HNRNPM: variants seen among roughly 807,000 people sequenced by gnomAD.
HNRNPM encodes the protein heterogeneous nuclear ribonucleoprotein M.
In HNRNPM, 11 loss-of-function variants were observed where a neutral mutation model predicts 73.1. The ratio of observed to expected loss-of-function variants is 0.15; its 90% CI spans 0.09 to 0.25. The LOEUF (loss-of-function observed/expected upper bound fraction) is 0.25. HNRNPM is among the 10% of genes least tolerant of loss of function. The pLI is 1.00. For missense variants in HNRNPM, 789 were observed against 1,067.9 expected (o/e 0.74, Z 3.64); for synonymous variants, 407 against 355.2 (o/e 1.15, Z -1.64).
At chr19:8,455,302 G>A in intron 1 of HNRNPM, 103 bp from the exon 2 acceptor site, 3 of 1,003,132 alleles carry the variant, frequency 3.0e-6, no homozygotes, top group South Asian at 1.6e-5. Flanking sequence ...TGTGTCATAT[G>A]TAACTTTGTG....
chr19:8,484,896 A>G (rs961027057), intron 13 of HNRNPM, among the ~76,000 whole-genome samples: 5 of 152,078 alleles, frequency 3.3e-5, no homozygotes, highest in Non-Finnish European at 5.9e-5. Context: ...ACTGACCCCC[A>G]GCCGCTACCA....
chr19:8,476,971 T>A (rs1350200696), intron 12 of HNRNPM, among the ~76,000 whole-genome samples: 1 of 151,308 alleles, frequency 6.6e-6, no homozygotes, highest in Non-Finnish European at 1.5e-5. Context: ...TTGGGTTAAT[T>A]CAAACTAGGA....
chr19:8,456,182 G>C (rs1969010858), intron 2 of HNRNPM, among the ~76,000 whole-genome samples: 1 of 152,204 alleles, frequency 6.6e-6, no homozygotes, highest in Non-Finnish European at 1.5e-5. Flanking sequence ...CGGTGCCTTA[G>C]GATGTGGATT....
intron 13 of HNRNPM, among the ~76,000 whole-genome samples, chr19:8,484,611 T>C (rs1290657556): frequency 6.6e-6 from 1 of 152,250 alleles, no homozygotes; most frequent in African/African-American, 2.4e-5. Context: ...GCTCACTGTG[T>C]GCTGTGCAGC....
At chr19:8,456,666 G>A (rs527896345) in intron 2 of HNRNPM, among the ~76,000 whole-genome samples, 1 of 152,316 alleles carries the variant, frequency 6.6e-6, no homozygotes, top group East Asian at 1.9e-4. Flanking sequence ...ATTGGATTTT[G>A]AAATTATGAA....
In HNRNPM at chr19:8,485,966, C is replaced by G. The variant is rs747850904; in HGVS notation, c.1538C>G (p.Ser513Cys). The G allele has an allele frequency of 6.2e-7, 1 of 1,605,606 alleles. No homozygotes were observed. Among genetic ancestry groups the G allele is most frequent in the Non-Finnish European group, 8.5e-7 (1 of 1,179,108 alleles). ...GGCCAGACCATTGAGCGCATGGGCT[C>G]TGGCGTGGAGCGCATGGGCCCTGCC... Reference protein sequence around the residue: ...RVGQTIERMGSGVERMGPAIE... With the variant: ...RVGQTIERMGCGVERMGPAIE... Residue 513 changes from serine (S) to cysteine (C), a missense_variant, in exon 14 of 16, where the codon TCT (serine) becomes TGT (cysteine). Coordinates refer to ENST00000325495, the MANE Select transcript of HNRNPM (RefSeq NM_005968.5).
rs191119234 is a variant in HNRNPM, at chr19:8,483,251, A to G, written c.1174+40A>G. On this transcript the variant is annotated intron_variant, in intron 13 of 15. Transcript: ENST00000325495. ...GTTTGATGTTTTGTTTTTTTAGAAC[A>G]GGCTGTTATCGCTGGGGACTGTAGA... 230 of 1,509,296 alleles carry G rather than the reference A, an allele frequency of 1.5e-4. 1 individual carries two copies. The East Asian group carries it at 4.1e-3, about 27-fold the overall frequency. 93.5% of individuals were successfully genotyped at this position (1,509,296 alleles called of 1,614,324 possible).
chr19:8,446,430 G>C (rs1025813903), intron 1 of HNRNPM, among the ~76,000 whole-genome samples: 1 of 152,126 alleles, frequency 6.6e-6, no homozygotes, highest in African/African-American at 2.4e-5. Context: ...TTTTCTTTGA[G>C]ACAGGGTCTC....
At chr19:8,488,612 C>A in intron 15 of HNRNPM, 79 bp from the exon 16 acceptor site, 1 of 1,323,696 alleles carries the variant, frequency 7.6e-7, no homozygotes. Flanking sequence ...GGCTTCAGGG[C>A]CTCTCCTTTT....
intron 12 of HNRNPM, among the ~76,000 whole-genome samples, chr19:8,480,865 C>T (rs185849287): frequency 3.5e-4 from 53 of 152,216 alleles, no homozygotes; most frequent in Middle Eastern, 3.4e-3. Context: ...CTGTCCTGAC[C>T]GGCAGGGCGC....
intron 2 of HNRNPM, among the ~76,000 whole-genome samples, chr19:8,460,281 C>T (rs1199988151): frequency 2.6e-5 from 4 of 152,162 alleles, no homozygotes; most frequent in South Asian, 4.1e-4. Flanking sequence ...TTTAAAGGCT[C>T]CATTTTCCTA....
intron 1 of HNRNPM, among the ~76,000 whole-genome samples, chr19:8,447,343 C>T (rs1348643006): frequency 6.7e-6 from 1 of 150,174 alleles, no homozygotes; most frequent in African/African-American, 2.5e-5. Context: ...AGTGGAGAGG[C>T]CATTAACATA....
chr19:8,479,102 T>TTC (rs869174996), intron 12 of HNRNPM, among the ~76,000 whole-genome samples: 7 of 143,912 alleles, frequency 4.9e-5, no homozygotes, highest in South Asian at 2.2e-4. Context: ...TTTTTTTTTT[T>TTC]CAAGACAGAG....
At chr19:8,476,472 T>C (rs1486125296) in intron 12 of HNRNPM, among the ~76,000 whole-genome samples, 3 of 151,936 alleles carry the variant, frequency 2.0e-5, no homozygotes, top group African/African-American at 7.3e-5. Context: ...CAAATCTTGA[T>C]AGAGTGGCTA....
intron 12 of HNRNPM, among the ~76,000 whole-genome samples, chr19:8,474,553 G>A (rs1443025163): frequency 6.6e-6 from 1 of 152,116 alleles, no homozygotes; most frequent in African/African-American, 2.4e-5. Context: ...TTTAAAGTTT[G>A]TAATCAAGTT....
At chr19:8,458,620 G>A (rs1969184758) in intron 2 of HNRNPM, among the ~76,000 whole-genome samples, 2 of 152,236 alleles carry the variant, frequency 1.3e-5, no homozygotes, top group Non-Finnish European at 1.5e-5. Context: ...AGAAAGGAAG[G>A]TCAGGGATGT....
chr19:8,483,175 C>G lies in HNRNPM; in HGVS notation c.1138C>G (p.Leu380Val). Reference sequence around the variant, plus strand: ...TTCCTTAGAAATCCTAAGTAATGCACTGAAGAGAGGAGAGATCATTGCAAA... The same window carrying G: ...TTCCTTAGAAATCCTAAGTAATGCAGTGAAGAGAGGAGAGATCATTGCAAA... ...GRINEILSNA[L>V]KRGEIIAKQG... The change falls in exon 13 of 16, where the codon CTG becomes GTG. Residue 380 changes from leucine to valine, a missense_variant. Leu to Val is a conservative substitution (Grantham distance 32). Around this residue, in one of 4 missense-constraint regions of HNRNPM, gnomAD observed 604 missense variants for 744.0 expected, o/e 0.81. Transcript: ENST00000325495. The G allele has an allele frequency of 6.2e-7, 1 of 1,611,828 alleles. No individual in the cohort carries two copies. The highest frequency in any genetic ancestry group is 8.5e-7 in the Non-Finnish European group (1 of 1,178,744).
chr19:8,471,629 T>G (rs1408925971), intron 10 of HNRNPM, among the ~76,000 whole-genome samples: 1 of 152,238 alleles, frequency 6.6e-6, no homozygotes, highest in East Asian at 1.9e-4. Context: ...AAAGTCATTA[T>G]GCTTTTTCAT....
chr19:8,465,158 T>C (rs939032061), intron 5 of HNRNPM, among the ~76,000 whole-genome samples, 166 bp from the exon 6 acceptor site: 9 of 152,228 alleles, frequency 5.9e-5, no homozygotes, highest in African/African-American at 2.2e-4. Context: ...AGCTGGACTC[T>C]TCTAAGCTGG....
Sources: allele counts gnomAD v4.1 joint callset (sites outside exome capture counted in the v4.1 genomes callset), GRCh38; gene constraint gnomAD v4.1.1; regional missense constraint gnomAD v4.1.1; transcripts MANE v1.5; gene names NCBI Gene and HGNC (gene_info 2026-07-23, HGNC 2026-07-21).